MME: variants seen among roughly 807,000 people sequenced by gnomAD.
MME encodes membrane metalloendopeptidase.
MME carries 98 observed loss-of-function variants against 113.2 expected under a neutral mutation model. The ratio of observed to expected loss-of-function variants is 0.87; its 90% CI spans 0.74 to 1.02. The LOEUF is 1.02. MME is among the 50% of genes least tolerant of loss of function. The pLI is 0.00. For synonymous variants in MME, 292 were observed against 300.6 expected (o/e 0.97, Z 0.30); for missense variants, 836 against 896.0 (o/e 0.93, Z 0.86).
rs112582052 is a variant in MME at position 155,043,733 on chromosome 3, T to G, written c.-11+19409T>G. Among the ~76,000 whole-genome samples the G allele has an allele frequency of 8.5e-3, 1,294 of 152,280 alleles. 22 individuals are homozygous for G. The highest frequency in any genetic ancestry group is 0.029 in the African/African-American group (1,197 of 41,550). On this transcript the variant is annotated intron_variant, in intron 1 of 22. Coordinates refer to the MME transcript ENST00000492661. ...TGGACCTTTTATTATGTTTCCTATA[T>G]ATAATTATTTTATAGTACCAAATTC...
chr3:155,105,333 A>C (rs1717598114), intron 3 of MME, among the ~76,000 whole-genome samples: 1 of 152,182 alleles, frequency 6.6e-6, no homozygotes, highest in Non-Finnish European at 1.5e-5. Context: ...TCTATAACTT[A>C]ATTTGGGTTC....
intron 8 of MME, among the ~76,000 whole-genome samples, chr3:155,127,815 C>T (rs1289895014): frequency 6.6e-6 from 1 of 152,244 alleles, no homozygotes; most frequent in East Asian, 1.9e-4. Flanking sequence ...TGGTCCTTCT[C>T]TCTTCTTCAT....
At chr3:155,039,970 AAGTC>A (rs1713255453) in intron 1 of MME, among the ~76,000 whole-genome samples, 1 of 152,140 alleles carries the variant, frequency 6.6e-6, no homozygotes, top group African/African-American at 2.4e-5. Flanking sequence ...TAAAAAATAA[AAGTC>A]AGGGGAATAT....
At chr3:155,063,990 C>A (rs182277878) in intron 1 of MME, among the ~76,000 whole-genome samples, 1 of 151,688 alleles carries the variant, frequency 6.6e-6, no homozygotes, top group Non-Finnish European at 1.5e-5. Context: ...GACTAATCCT[C>A]ATAAGAAGTG....
At chr3:155,168,665 T>G in intron 19 of MME, 40 bp downstream of exon 19, 3 of 1,613,434 alleles carry the variant, frequency 1.9e-6, no homozygotes, top group Non-Finnish European at 1.7e-6. Context: ...TTAGACATGT[T>G]CAATCTTAAG....
chr3:155,183,446 G>T lies in MME; in HGVS notation c.*2987G>T, dbSNP rs1713288898. 2 of 152,150 alleles carry T rather than the reference G, an allele frequency of 1.3e-5. No individual in the cohort carries two copies. The highest frequency in any genetic ancestry group is 6.5e-5 in the Admixed American group (1 of 15,274). 9.4% of individuals were successfully genotyped at this position (152,150 alleles called of 1,614,324 possible). The stretch of plus-strand genomic sequence containing the variant: ...CTGAATCGAGTGAGACAAAATTTTA[G>T]TCCAAATAACAAGTACCAAAGTTTT... On this transcript the variant is annotated 3_prime_UTR_variant, in exon 23 of 23. Transcript: ENST00000360490.
At chr3:155,039,986 T>C (rs1713256243) in intron 1 of MME, among the ~76,000 whole-genome samples, 1 of 152,116 alleles carries the variant, frequency 6.6e-6, no homozygotes, top group Admixed American at 6.6e-5. Context: ...GGGGAATATA[T>C]CCCTTATGGC....
chr3:155,075,352 TTTTG>T (rs149801442), upstream of MME, among the ~76,000 whole-genome samples: 4,632 of 152,242 alleles, frequency 0.03, 101 homozygotes, highest in Non-Finnish European at 0.048. Flanking sequence ...GACAGCTGAA[TTTTG>T]TTTATTTGTT....
chr3:155,133,062 A>AAAAAAAATATATATATATATATATAT (rs1553762419), intron 8 of MME, among the ~76,000 whole-genome samples: 5 of 75,062 alleles, frequency 6.7e-5, no homozygotes, highest in South Asian at 3.9e-4. Flanking sequence ...AAAAAAAAAA[A>AAAAAAAATATATATATATATATATAT]ATATATATAT....
At chr3:155,147,259 T>C (rs1450587782) in intron 15 of MME, 35 bp downstream of exon 15, 6 of 1,278,970 alleles carry the variant, frequency 4.7e-6, no homozygotes, top group Non-Finnish European at 6.9e-6. Flanking sequence ...GGACTACTGA[T>C]ACTTAGGGCT....
rs144146908 is a variant in MME at position 155,145,508 on chromosome 3, G to A, written c.1416+1051G>A. Among the ~76,000 whole-genome samples, 734 of 152,110 alleles carry A rather than the reference G, an allele frequency of 4.8e-3. 5 individuals are homozygous for A. Among genetic ancestry groups the A allele is most frequent in the South Asian group, 9.1e-3 (44 of 4,818 alleles). On this transcript the variant is annotated intron_variant, in intron 14 of 22. Transcript: ENST00000360490. ...TACAATAAGCTCTTTATGGTTGGGG[G>A]CAGGGGGGCAGAAAATACTGCCTAG...
chr3:155,179,105 A>G (rs1712830641), intron 22 of MME, among the ~76,000 whole-genome samples: 1 of 152,210 alleles, frequency 6.6e-6, no homozygotes, highest in Non-Finnish European at 1.5e-5. Context: ...AAGCAAAGGC[A>G]TGAAGGCTGA....
At chr3:155,154,580 G>A (rs953721601) in intron 16 of MME, among the ~76,000 whole-genome samples, 5 of 152,048 alleles carry the variant, frequency 3.3e-5, no homozygotes, top group African/African-American at 7.2e-5. Context: ...TGGCTTCTCC[G>A]CATCAAATGA....
At chr3:155,147,807 C>T (rs184580503) in intron 15 of MME, among the ~76,000 whole-genome samples, 144 of 152,294 alleles carry the variant, frequency 9.5e-4, no homozygotes, top group Non-Finnish European at 1.7e-3. Context: ...CTGATGACAG[C>T]GAGGTGATCC....
chr3:155,146,957 C>G (rs1468146822), intron 14 of MME, among the ~76,000 whole-genome samples, 187 bp from the exon 15 acceptor site: 2 of 152,034 alleles, frequency 1.3e-5, no homozygotes, highest in Admixed American at 1.3e-4. Flanking sequence ...AATTTCAGAC[C>G]TGATTTTCAT....
At position 155,182,759 on chromosome 3, in the gene MME, C is replaced by A. The variant is rs1315131356; in HGVS notation, c.*2300C>A. On this transcript the variant is annotated 3_prime_UTR_variant, in exon 23 of 23. Transcript: ENST00000360490. The stretch of plus-strand genomic sequence containing the variant: ...CTCCCATCCCTATGGAGGAACAACT[C>A]TCCAGTGCCTGGATCCCCTCTGTCT... 1 of 152,234 alleles carries A rather than the reference C, an allele frequency of 6.6e-6. No homozygotes were observed. The highest frequency in any genetic ancestry group is 6.5e-5 in the Admixed American group (1 of 15,288). The allele number at this position is 152,234 out of a possible 1,614,324, so 9.4% of individuals were successfully genotyped here.
intron 3 of MME, among the ~76,000 whole-genome samples, chr3:155,094,676 G>A (rs190503883): frequency 1.2e-4 from 19 of 152,236 alleles, no homozygotes; most frequent in Middle Eastern, 3.4e-3. Context: ...CTTAGTATGG[G>A]GGTGACAGTT....
rs545517539 is a variant in MME, at chr3:155,130,502, C to A, written c.721-7600C>A. Reference sequence around the variant, plus strand: ...GTTATAAAGAAGTGTAGAGCCTTCACAAAATCTGAGGTTCATAAAAATAGA... The same window carrying A: ...GTTATAAAGAAGTGTAGAGCCTTCAAAAAATCTGAGGTTCATAAAAATAGA... On this transcript the variant is annotated intron_variant, in intron 8 of 22. Transcript: ENST00000360490. Among the ~76,000 whole-genome samples, 6 of 152,072 alleles carry A rather than the reference C, an allele frequency of 3.9e-5. No homozygotes were observed. The South Asian group carries it at 8.3e-4, about 21-fold the overall frequency.
chr3:155,075,267 G>A (rs575035520), upstream of MME, among the ~76,000 whole-genome samples: 54 of 151,672 alleles, frequency 3.6e-4, no homozygotes, highest in Middle Eastern at 3.6e-3. Context: ...ATATTTGTTT[G>A]ATATATTTTT....
Sources: allele counts gnomAD v4.1 joint callset (sites outside exome capture counted in the v4.1 genomes callset), GRCh38; gene constraint gnomAD v4.1.1; transcripts MANE v1.5; gene names NCBI Gene and HGNC (gene_info 2026-07-23, HGNC 2026-07-21).